The following NRXN1 variants were observed in gnomAD, a reference collection of about 807,000 sequenced individuals.
NRXN1 encodes neurexin 1, also known as neurexin-1.
A neutral mutation model predicts 150.9 loss-of-function variants in NRXN1; 39 were observed. The observed-to-expected ratio is 0.26, with a 90% CI of 0.20 to 0.34. The LOEUF (loss-of-function observed/expected upper bound fraction) is 0.34. NRXN1 is among the 10% of genes least tolerant of loss of function. NRXN1 has a pLI of 1.00. For synonymous variants in NRXN1, 924 were observed against 757.0 expected (o/e 1.22, Z -3.62); for missense variants, 1,815 against 1,949.9 (o/e 0.93, Z 1.30).
intron 2 of NRXN1, among the ~76,000 whole-genome samples, chr2:51,000,039 G>T (rs1230040512): frequency 6.6e-6 from 1 of 151,936 alleles, no homozygotes; most frequent in Non-Finnish European, 1.5e-5. Context: ...ATAAAATCTG[G>T]CCTTCAATTA....
intron 11 of NRXN1, among the ~76,000 whole-genome samples, chr2:50,529,537 G>C (rs1159779629): frequency 6.6e-6 from 1 of 152,116 alleles, no homozygotes; most frequent in African/African-American, 2.4e-5. Flanking sequence ...ATATGTATTT[G>C]TTGGTTTGGG....
intron 17 of NRXN1, among the ~76,000 whole-genome samples, chr2:50,437,254 C>T (rs572323234): frequency 6.6e-6 from 1 of 152,330 alleles, no homozygotes; most frequent in Admixed American, 6.5e-5. Context: ...AAGCATTCAA[C>T]ATATCCACAA....
intron 18 of NRXN1, among the ~76,000 whole-genome samples, chr2:50,144,460 A>C (rs544122117): frequency 6.6e-6 from 1 of 151,858 alleles, no homozygotes; most frequent in African/African-American, 2.4e-5. Flanking sequence ...GTCACACAAA[A>C]ATTCTGGCAG....
At chr2:50,010,688 C>G (rs1447108387) in intron 21 of NRXN1, among the ~76,000 whole-genome samples, 1 of 152,072 alleles carries the variant, frequency 6.6e-6, no homozygotes, top group Non-Finnish European at 1.5e-5. Flanking sequence ...TTTTTGGTTA[C>G]ACAGCCCAGC....
At chr2:50,724,770 G>T (rs1248228970) in intron 5 of NRXN1, among the ~76,000 whole-genome samples, 1 of 152,244 alleles carries the variant, frequency 6.6e-6, no homozygotes, top group South Asian at 2.1e-4. Flanking sequence ...ATGTGTGTGT[G>T]TGATGAGGTA....
intron 19 of NRXN1, among the ~76,000 whole-genome samples, chr2:50,087,703 G>T (rs1169109380): frequency 6.6e-6 from 1 of 152,070 alleles, no homozygotes; most frequent in Non-Finnish European, 1.5e-5. Flanking sequence ...CTTCTATTCA[G>T]AAAATTCAAT....
At chr2:50,401,266 G>A (rs1339341942) in intron 17 of NRXN1, among the ~76,000 whole-genome samples, 1 of 152,062 alleles carries the variant, frequency 6.6e-6, no homozygotes, top group Non-Finnish European at 1.5e-5. Flanking sequence ...AAGATGGGAA[G>A]GCCTGCTAGT....
chr2:49,983,386 T>C (rs953362513), intron 21 of NRXN1, among the ~76,000 whole-genome samples: 1 of 152,192 alleles, frequency 6.6e-6, no homozygotes, highest in African/African-American at 2.4e-5. Flanking sequence ...TGTGGCTGTA[T>C]GTTGGGTAAA....
At chr2:49,968,508 T>A (rs1462504703) in intron 21 of NRXN1, among the ~76,000 whole-genome samples, 1 of 152,060 alleles carries the variant, frequency 6.6e-6, no homozygotes, top group African/African-American at 2.4e-5. Context: ...TGAGACAAGC[T>A]ACTTGGGTCC....
chr2:50,653,692 A>G (rs1446173593), intron 5 of NRXN1, among the ~76,000 whole-genome samples: 1 of 152,058 alleles, frequency 6.6e-6, no homozygotes, highest in East Asian at 1.9e-4. Flanking sequence ...GCATAATATA[A>G]TTGCGTGAAG....
At chr2:50,736,030 A>C (rs1340147996) in intron 5 of NRXN1, among the ~76,000 whole-genome samples, 1 of 152,176 alleles carries the variant, frequency 6.6e-6, no homozygotes, top group African/African-American at 2.4e-5. Context: ...TTGCAATTTT[A>C]AAATAAAAAC....
intron 5 of NRXN1, among the ~76,000 whole-genome samples, chr2:50,662,803 T>C (rs1172661722): frequency 2.0e-5 from 3 of 151,974 alleles, no homozygotes; most frequent in Non-Finnish European, 4.4e-5. Flanking sequence ...TCCAACCTAA[T>C]GGTAGCTTAT....
At chr2:50,511,583 A>G (rs1333878787) in intron 12 of NRXN1, among the ~76,000 whole-genome samples, 1 of 152,186 alleles carries the variant, frequency 6.6e-6, no homozygotes, top group East Asian at 1.9e-4. Context: ...TGGAAGTAGA[A>G]GCAGTAAACA....
chr2:50,761,004 C>T (rs1701739928), intron 5 of NRXN1, among the ~76,000 whole-genome samples: 1 of 151,944 alleles, frequency 6.6e-6, no homozygotes, highest in South Asian at 2.1e-4. Flanking sequence ...AATTAATTCT[C>T]TACCTTGCTT....
At chr2:50,777,469 T>C (rs1011475392) in intron 5 of NRXN1, among the ~76,000 whole-genome samples, 2 of 152,148 alleles carry the variant, frequency 1.3e-5, no homozygotes, top group Admixed American at 6.6e-5. Flanking sequence ...CCTAATAACA[T>C]TTAACAATCA....
chr2:50,373,161 G>T (rs2080151325), intron 17 of NRXN1, among the ~76,000 whole-genome samples: 1 of 151,910 alleles, frequency 6.6e-6, no homozygotes, highest in Non-Finnish European at 1.5e-5. Flanking sequence ...TCCTCTATGA[G>T]AGCCTCCTCT....
chr2:50,773,190 A>G (rs1703214061), intron 5 of NRXN1, among the ~76,000 whole-genome samples: 1 of 152,056 alleles, frequency 6.6e-6, no homozygotes, highest in African/African-American at 2.4e-5. Context: ...CATTATTGGT[A>G]GCACTACTCC....
At chr2:50,270,209 T>C (rs2069406453) in intron 17 of NRXN1, among the ~76,000 whole-genome samples, 1 of 152,160 alleles carries the variant, frequency 6.6e-6, no homozygotes, top group African/African-American at 2.4e-5. Context: ...AATAAAATGG[T>C]TGCTGGTCAC....
intron 21 of NRXN1, among the ~76,000 whole-genome samples, chr2:49,962,549 G>GT (rs1462956952): frequency 6.6e-6 from 1 of 152,142 alleles, no homozygotes; most frequent in African/African-American, 2.4e-5. Flanking sequence ...TTGACCTGGG[G>GT]CAAATCACTC....
Sources: allele counts gnomAD v4.1 joint callset (sites outside exome capture counted in the v4.1 genomes callset), GRCh38; gene constraint gnomAD v4.1.1; transcripts MANE v1.5; gene names NCBI Gene and HGNC (gene_info 2026-07-23, HGNC 2026-07-21).